Variants in SMTN observed in about 807,000 individuals in gnomAD.
SMTN encodes the protein smoothelin.
In SMTN, 58 loss-of-function variants were observed where a neutral mutation model predicts 102.0. The observed-to-expected ratio is 0.57, with a 90% CI of 0.46 to 0.71. The LOEUF (loss-of-function observed/expected upper bound fraction) is 0.71, where lower values mean the gene tolerates loss of function less well. Ranked by LOEUF, SMTN falls within the 30% of genes least tolerant of loss-of-function variation. SMTN has a pLI of 0.00. For synonymous variants in SMTN, 478 were observed against 497.9 expected (o/e 0.96, Z 0.53); for missense variants, 1,185 against 1,241.7 (o/e 0.95, Z 0.69).
chr22:31,104,607 A>G lies in SMTN; in HGVS notation c.*312A>G. 4 of 880,480 alleles carry G rather than the reference A, an allele frequency of 4.5e-6. No homozygotes were observed. The South Asian group carries it at 6.3e-5, about 14-fold the overall frequency. The allele number at this position is 880,480 out of a possible 1,614,324, so 54.5% of individuals were successfully genotyped here. A position where few individuals can be genotyped will look rare whatever the true frequency, so the allele number is the denominator to read the frequency against. The stretch of plus-strand genomic sequence containing the variant: ...ACATACACACGCAGCGTTTTGATAA[A>G]TTATTGGTTTTCAACGATCCTGACT... On this transcript the variant is annotated 3_prime_UTR_variant, in exon 21 of 21. Transcript: ENST00000333137.
rs12160955 is a variant in SMTN, at chr22:31,097,490, G to A, written c.2159+152G>A. 3.6e-4 allele frequency: 242 copies of A among 668,946 alleles called. No individual in the cohort carries two copies. The African/African-American group carries it at 3.9e-3, about 11-fold the overall frequency. 41.4% of individuals were successfully genotyped at this position (668,946 alleles called of 1,614,324 possible). ...AGGCCGAGGTGGGCGGATCACTTGAGGTCAGGAGTTCAAGACCAGCCTGGC... is the reference window on the plus strand; with the variant it reads ...AGGCCGAGGTGGGCGGATCACTTGAAGTCAGGAGTTCAAGACCAGCCTGGC... On this transcript the variant is annotated intron_variant, in intron 16 of 20. Coordinates refer to ENST00000333137, the MANE Select transcript of SMTN (RefSeq NM_134269.3).
rs1451344852 is a variant in SMTN at position 31,097,012 on chromosome 22, A to G, written c.2041A>G (p.Thr681Ala). The G allele has an allele frequency of 6.2e-7, 1 of 1,614,090 alleles. No homozygotes were observed. Among genetic ancestry groups the G allele is most frequent in the Non-Finnish European group, 8.5e-7 (1 of 1,179,998 alleles). ...TGCCCCTGCAGATGATGGCACACGG[A>G]CGGCCCGCACCACCACAGTGGAGTC... ...RLVHSNDGTR[T>A]ARTTTVESSF... Residue 681 changes from threonine to alanine, a missense_variant, in exon 15 of 21, where the codon ACG becomes GCG. Thr to Ala is a moderately conservative substitution (Grantham distance 58). Transcript: ENST00000333137.
At chr22:31,073,782 G>T (rs867315512) in intron 1 of SMTN, among the ~76,000 whole-genome samples, 1 of 152,270 alleles carries the variant, frequency 6.6e-6, no homozygotes, top group Admixed American at 6.5e-5. Flanking sequence ...AACAGCAACC[G>T]TTTTTTTAGC....
In SMTN at chr22:31,097,027, A is replaced by G; in HGVS notation, c.2056A>G (p.Thr686Ala). 6.2e-7 allele frequency: 1 copy of G among 1,614,060 alleles called. No individual in the cohort carries two copies. The highest frequency in any genetic ancestry group is 8.5e-7 in the Non-Finnish European group (1 of 1,180,022). ...TGGCACACGGACGGCCCGCACCACC[A>G]CAGTGGAGTCGAGTTTCGTGAGGCG... ...NDGTRTARTTTVESSFVRRSE... is the reference protein window; with the variant it reads ...NDGTRTARTTAVESSFVRRSE... Residue 686 changes from threonine (T) to alanine (A), a missense_variant, in exon 15 of 21, where the codon ACA (threonine) becomes GCA (alanine). Coordinates refer to ENST00000333137, the MANE Select transcript of SMTN (RefSeq NM_134269.3).
At chr22:31,077,418 C>T (rs563274299), upstream of SMTN, among the ~76,000 whole-genome samples, 21 of 151,710 alleles carry the variant, frequency 1.4e-4, no homozygotes, top group African/African-American at 5.1e-4. Context: ...AACAAAAGAA[C>T]GAGGGTTCTG....
chr22:31,078,776 G>A (rs1032189491), upstream of SMTN, among the ~76,000 whole-genome samples: 1 of 152,178 alleles, frequency 6.6e-6, no homozygotes, highest in African/African-American at 2.4e-5. Flanking sequence ...CCTCTTGGGA[G>A]GCTGAGATGG....
chr22:31,070,923 C>CAA lies in SMTN; in HGVS notation c.-386+6753_-386+6754dup, dbSNP rs111579063. Among the ~76,000 whole-genome samples, 329 of 104,440 alleles carry CAA rather than the reference C, an allele frequency of 3.2e-3. 10 individuals are homozygous for CAA. The highest frequency in any genetic ancestry group is 0.024 in the Admixed American group (230 of 9,708). The allele number at this position is 104,440 out of a possible 152,430, so 68.5% of individuals were successfully genotyped here. On this transcript the variant is annotated intron_variant, in intron 1 of 3. Transcript: ENST00000422839. ...TGGGTGACAGAGTGAAACTCTGTCT[C>CAA]AAAAAAAAAAAAAAAAAAGAAAAGA...
At chr22:31,090,348 C>A (rs2043033483) in intron 8 of SMTN, among the ~76,000 whole-genome samples, 168 bp downstream of exon 8, 1 of 134,090 alleles carries the variant, frequency 7.5e-6, no homozygotes, top group Admixed American at 7.6e-5. Flanking sequence ...CCCAGCTAGG[C>A]CAGCCTCCCC....
At chr22:31,082,833 T>TG in intron 1 of SMTN, 2 of 1,502,774 alleles carry the variant, frequency 1.3e-6, no homozygotes, top group Non-Finnish European at 1.8e-6. Context: ...GTGCACCCCC[T>TG]GGTGGTAAGC....
upstream of SMTN, among the ~76,000 whole-genome samples, chr22:31,077,572 T>C (rs2042161348): frequency 6.6e-6 from 1 of 151,978 alleles, no homozygotes; most frequent in Non-Finnish European, 1.5e-5. Flanking sequence ...AATTACATAG[T>C]GTCCCACCAT....
At chr22:31,085,616 T>TTCCCCC (rs1444195251) in intron 2 of SMTN, among the ~76,000 whole-genome samples, 2 of 151,710 alleles carry the variant, frequency 1.3e-5, no homozygotes, top group African/African-American at 4.8e-5. Context: ...CCCCTTCCCC[T>TTCCCCC]TCCCCCTCGG....
rs771015745 is a variant in SMTN, at chr22:31,091,141, C to T, written c.1118C>T (p.Thr373Ile). The T allele has an allele frequency of 1.9e-6, 3 of 1,613,912 alleles. No individual in the cohort carries two copies. The South Asian group carries it at 3.3e-5, about 18-fold the overall frequency. Residue 373 changes from threonine (T) to isoleucine (I), a missense_variant, in exon 10 of 21, where the codon ACC becomes ATC. By Grantham distance (89) the Thr-to-Ile change is moderately conservative (BLOSUM62 -1). Transcript: ENST00000333137. ...CTGGGCCCCTCCCTCACCAGCACCA[C>T]CCCTGCCTCCTCCTCCAGCGGCTCC... ...RLLGPSLTST[T>I]PASSSSGSSS...
At position 31,101,043 on chromosome 22, in the gene SMTN, C is replaced by G. The variant is rs1400236613; in HGVS notation, c.*14C>G. 6.3e-7 allele frequency: 1 copy of G among 1,597,588 alleles called. No individual in the cohort carries two copies. The highest frequency in any genetic ancestry group is 1.3e-5 in the African/African-American group (1 of 74,538). On this transcript the variant is annotated 3_prime_UTR_variant, in exon 20 of 21. Coordinates refer to ENST00000333137, the MANE Select transcript of SMTN (RefSeq NM_134269.3). ...AAAAAGTCCTAACCCCTGCTCGGGG[C>G]CCCACGGTGAGAAACGCCGCCTCTA...
chr22:31,064,350 G>C (rs2041792322), intron 1 of SMTN: 1 of 152,232 alleles, frequency 6.6e-6, no homozygotes, highest in Admixed American at 6.5e-5. Context: ...TGGCATTCGA[G>C]CTGGGTCTTG....
At chr22:31,065,812 T>A (rs2041835994) in intron 1 of SMTN, 1 of 145,230 alleles carries the variant, frequency 6.9e-6, no homozygotes. Flanking sequence ...ATGACCTTGC[T>A]GGGCTTTAGG....
Position 31,099,862 on chromosome 22 carries a change from C to T in SMTN, c.2569C>T (p.Arg857Cys), listed in dbSNP as rs766340468. Reference protein sequence around the residue: ...DYGQLSPQNRRQNFEVAFSSA... With the variant: ...DYGQLSPQNRCQNFEVAFSSA... ...TGGGCAGCTTAGCCCTCAGAACCGACGCCAGAACTTCGAGGTGGCCTTCTC... is the reference window on the plus strand; with the variant it reads ...TGGGCAGCTTAGCCCTCAGAACCGATGCCAGAACTTCGAGGTGGCCTTCTC... The change falls in exon 19 of 21, where the codon CGC (arginine) becomes TGC (cysteine). Residue 857 changes from arginine to cysteine, a missense_variant. Physicochemically the swap from Arg to Cys is radical, Grantham distance 180. Around this residue, in one of 2 missense-constraint regions of SMTN, gnomAD observed 89 missense variants for 128.9 expected, o/e 0.69. Coordinates refer to ENST00000333137, the MANE Select transcript of SMTN (RefSeq NM_134269.3). 11 of 1,613,942 alleles carry T rather than the reference C, an allele frequency of 6.8e-6. No individual in the cohort carries two copies. Among genetic ancestry groups the T allele is most frequent in the East Asian group, 2.2e-5 (1 of 44,900 alleles).
chr22:31,087,394 A>G (rs755582598), intron 2 of SMTN, among the ~76,000 whole-genome samples: 1 of 152,188 alleles, frequency 6.6e-6, no homozygotes, highest in Non-Finnish European at 1.5e-5. Context: ...CATGGTGGCT[A>G]GGTCCAGGCC....
rs772210769 is a variant in SMTN at position 31,069,152 on chromosome 22, TG to T, written c.-386+4967del. Among the ~76,000 whole-genome samples the T allele has an allele frequency of 2.3e-3, 349 of 152,280 alleles. 1 individual carries two copies. In the Middle Eastern group the frequency reaches 0.034, roughly 15 times the overall value. Reference sequence around the variant, plus strand: ...ACCGGAGGCGGGGTTTGCCCCCACCTGGCCCCGCTCCAGAAGGAGGGGTTAT... The same window carrying T: ...ACCGGAGGCGGGGTTTGCCCCCACCTGCCCCGCTCCAGAAGGAGGGGTTAT... On this transcript the variant is annotated intron_variant, in intron 1 of 3. Coordinates refer to the SMTN transcript ENST00000422839.
intron 2 of SMTN, chr22:31,083,701 G>C (rs2042464501): frequency 5.5e-6 from 1 of 180,786 alleles, no homozygotes; most frequent in Admixed American, 5.3e-5. Flanking sequence ...CCAAGGCCTG[G>C]CAGGGGGCAG....
Sources: allele counts gnomAD v4.1 joint callset (sites outside exome capture counted in the v4.1 genomes callset), GRCh38; gene constraint gnomAD v4.1.1; regional missense constraint gnomAD v4.1.1; transcripts MANE v1.5; gene names NCBI Gene and HGNC (gene_info 2026-07-23, HGNC 2026-07-21).